Variants in DGKG observed in about 807,000 individuals in gnomAD.
DGKG encodes the protein diacylglycerol kinase gamma, also known as DAG kinase gamma.
A neutral mutation model predicts 105.3 loss-of-function variants in DGKG; 78 were observed. The observed-to-expected ratio is 0.74, with a 90% CI of 0.62 to 0.89. The LOEUF is 0.89. Among genes scored for constraint, DGKG ranks in the 40% least tolerant of loss-of-function variants. DGKG has a pLI of 0.00. For missense variants in DGKG, 958 were observed against 1,020.1 expected (o/e 0.94, Z 0.83); for synonymous variants, 346 against 367.1 (o/e 0.94, Z 0.66).
intron 22 of DGKG, among the ~76,000 whole-genome samples, chr3:186,167,778 C>T (rs1348325097): frequency 6.6e-6 from 1 of 152,018 alleles, no homozygotes; most frequent in African/African-American, 2.4e-5. Context: ...CTCACTCACT[C>T]ACTCACTCAC....
At chr3:186,329,166 T>C (rs1725486535) in intron 1 of DGKG, among the ~76,000 whole-genome samples, 1 of 152,170 alleles carries the variant, frequency 6.6e-6, no homozygotes, top group Non-Finnish European at 1.5e-5. Context: ...TAAATAAAAC[T>C]CAGATTGGAT....
At chr3:186,169,471 T>A (rs1266325732) in intron 22 of DGKG, among the ~76,000 whole-genome samples, 1 of 152,232 alleles carries the variant, frequency 6.6e-6, no homozygotes, top group East Asian at 1.9e-4. Context: ...TTCACAGTTA[T>A]AAAAATAATG....
At position 186,147,947 on chromosome 3, in the gene DGKG, G is replaced by A. The variant is rs1715577878; in HGVS notation, c.*2143C>T. The stretch of plus-strand genomic sequence containing the variant: ...TGGTTTTCCCCTTACTTAGCATTCT[G>A]CACTGTTAGGTTGAGCAGAATGGTC... On this transcript the variant is annotated 3_prime_UTR_variant, in exon 25 of 25. Transcript: ENST00000265022. The A allele has an allele frequency of 1.0e-6, 1 of 985,298 alleles. No individual in the cohort carries two copies. Among genetic ancestry groups the A allele is most frequent in the Non-Finnish European group, 1.2e-6 (1 of 829,940 alleles). The allele number at this position is 985,298 out of a possible 1,614,324, so 61.0% of individuals were successfully genotyped here.
At chr3:186,214,968 A>G (rs1719205703) in intron 20 of DGKG, among the ~76,000 whole-genome samples, 1 of 152,192 alleles carries the variant, frequency 6.6e-6, no homozygotes, top group African/African-American at 2.4e-5. Context: ...AGGCAAAGAA[A>G]GAAGCTAGGC....
intron 5 of DGKG, among the ~76,000 whole-genome samples, chr3:186,292,108 A>G (rs1277457200): frequency 6.6e-6 from 1 of 152,162 alleles, no homozygotes; most frequent in Non-Finnish European, 1.5e-5. Context: ...AAAAATGCCA[A>G]CACCCTCTTC....
chr3:186,154,847 C>T (rs1043225800), intron 24 of DGKG, among the ~76,000 whole-genome samples: 3 of 152,084 alleles, frequency 2.0e-5, no homozygotes, highest in Non-Finnish European at 4.4e-5. Flanking sequence ...AACTCTCTGG[C>T]ATCCAGACTT....
intron 20 of DGKG, among the ~76,000 whole-genome samples, chr3:186,224,898 C>G (rs1049591849): frequency 5.9e-5 from 9 of 152,144 alleles, no homozygotes; most frequent in African/African-American, 2.2e-4. Context: ...CTGTGTCTCC[C>G]TTCTCCAGAA....
chr3:186,193,154 C>T (rs575373156), intron 21 of DGKG, among the ~76,000 whole-genome samples: 1 of 152,280 alleles, frequency 6.6e-6, no homozygotes, highest in South Asian at 2.1e-4. Flanking sequence ...CGCTGATGTC[C>T]TCCCTCCCTC....
At chr3:186,294,283 C>A (rs966995228) in intron 5 of DGKG, among the ~76,000 whole-genome samples, 1 of 152,196 alleles carries the variant, frequency 6.6e-6, no homozygotes, top group Admixed American at 6.5e-5. Flanking sequence ...AAAACACAAC[C>A]TGCTCAGACA....
In DGKG at chr3:186,149,957, G is replaced by C. The variant is rs1715676725; in HGVS notation, c.*133C>G. 4.9e-6 allele frequency: 7 copies of C among 1,429,682 alleles called. No individual in the cohort carries two copies. In the East Asian group the frequency reaches 1.8e-4, roughly 37 times the overall value. 88.6% of individuals were successfully genotyped at this position (1,429,682 alleles called of 1,614,324 possible). A position where few individuals can be genotyped will look rare whatever the true frequency, so the allele number is the denominator to read the frequency against. ...CGTTTTCTTCCCGAAGGGTGGCTTT[G>C]CTTCCACTGGTTAGAGAAGAGTGTG... is the stretch of plus-strand genomic sequence containing the variant. On this transcript the variant is annotated 3_prime_UTR_variant, in exon 25 of 25. Transcript: ENST00000265022.
chr3:186,289,473 C>T (rs1259078261), intron 5 of DGKG, among the ~76,000 whole-genome samples: 3 of 152,132 alleles, frequency 2.0e-5, no homozygotes, highest in Non-Finnish European at 4.4e-5. Context: ...GTAAGTTTTC[C>T]CTTTAAAATT....
rs1000830675 is a variant in DGKG, at chr3:186,320,644, T to G, written c.-185A>C. 5 of 914,988 alleles carry G rather than the reference T, an allele frequency of 5.5e-6. No individual in the cohort carries two copies. In the East Asian group the frequency reaches 8.4e-5, roughly 15 times the overall value. 56.7% of individuals were successfully genotyped at this position (914,988 alleles called of 1,614,324 possible). A position where few individuals can be genotyped will look rare whatever the true frequency, so the allele number is the denominator to read the frequency against. On this transcript the variant is annotated 5_prime_UTR_variant, in exon 2 of 25. Coordinates refer to ENST00000265022, the MANE Select transcript of DGKG (RefSeq NM_001346.3). ...CTCTCAGAAGATGAGACAAGATCTCTGCTATTCCTTAGGCAACATCCTCCT... is the reference window on the plus strand; with the variant it reads ...CTCTCAGAAGATGAGACAAGATCTCGGCTATTCCTTAGGCAACATCCTCCT...
intron 20 of DGKG, among the ~76,000 whole-genome samples, chr3:186,236,749 G>C (rs771537354): frequency 6.6e-6 from 1 of 152,234 alleles, no homozygotes; most frequent in Non-Finnish European, 1.5e-5. Context: ...TGAGAAAGGT[G>C]GTCAGCTTCT....
intron 22 of DGKG, among the ~76,000 whole-genome samples, chr3:186,167,821 A>T (rs1052498523): frequency 1.3e-5 from 2 of 152,228 alleles, no homozygotes; most frequent in Non-Finnish European, 2.9e-5. Context: ...GTTACTGAGT[A>T]ACAACTCAGT....
At chr3:186,191,725 A>G (rs1382266881) in intron 21 of DGKG, among the ~76,000 whole-genome samples, 2 of 152,260 alleles carry the variant, frequency 1.3e-5, no homozygotes, top group Non-Finnish European at 2.9e-5. Context: ...CCAGGCTCAC[A>G]GGTCTGAATT....
chr3:186,187,238 A>T (rs1293161026), intron 22 of DGKG, among the ~76,000 whole-genome samples: 1 of 152,224 alleles, frequency 6.6e-6, no homozygotes, highest in Non-Finnish European at 1.5e-5. Context: ...CCAGTGAGGA[A>T]GCTTTGCAGT....
intron 9 of DGKG, 171 bp downstream of exon 9, chr3:186,279,680 C>A: frequency 1.7e-6 from 1 of 598,222 alleles, no homozygotes; most frequent in South Asian, 2.3e-5. Flanking sequence ...AATGAATATA[C>A]TTCAGGCACT....
intron 3 of DGKG, among the ~76,000 whole-genome samples, chr3:186,302,486 ATATATATATATATATATATACATATG>A (rs1560143523): frequency 3.9e-4 from 4 of 10,258 alleles, no homozygotes; most frequent in East Asian, 2.3e-3. Flanking sequence ...ATATATATAT[ATATATATATATATATATATACATATG>A]TGTATATATA....
chr3:186,290,551 C>G (rs1723268760), intron 5 of DGKG, among the ~76,000 whole-genome samples: 2 of 152,142 alleles, frequency 1.3e-5, no homozygotes, highest in South Asian at 4.1e-4. Flanking sequence ...ATTATATTAT[C>G]AGGGAGGACC....
Sources: gnomAD v4.1 joint callset for allele counts (sites outside exome capture counted in the v4.1 genomes callset) on GRCh38, gnomAD v4.1.1 for gene constraint, MANE v1.5 for transcripts, NCBI Gene and HGNC (gene_info 2026-07-23, HGNC 2026-07-21) for gene names.